The following LMLN variants were observed in gnomAD, a reference collection of about 807,000 sequenced individuals.
LMLN encodes the protein leishmanolysin like peptidase.
Under a neutral mutation model 92.3 loss-of-function variants are expected in LMLN, and 70 were observed. The ratio of observed to expected loss-of-function variants is 0.76; its 90% CI spans 0.63 to 0.92. LMLN has a LOEUF of 0.92. Ranked by LOEUF, LMLN falls within the 40% of genes least tolerant of loss-of-function variation. The pLI, the probability that LMLN is intolerant of heterozygous loss-of-function variation, is 0.00. For synonymous variants in LMLN, 308 were observed against 296.2 expected, an observed-to-expected ratio of 1.04 and a Z score of -0.41; for missense variants, 691 against 814.6, an observed-to-expected ratio of 0.85 and a Z score of 1.85.
At chr3:197,986,253 G>A (rs1449021106) in intron 8 of LMLN, among the ~76,000 whole-genome samples, 1 of 152,150 alleles carries the variant, frequency 6.6e-6, no homozygotes, top group Non-Finnish European at 1.5e-5. Context: ...TTGAGCCCAT[G>A]AGTTCAAAAC....
intron 15 of LMLN, among the ~76,000 whole-genome samples, chr3:198,036,911 TTTGC>T (rs1426965713): frequency 1.3e-5 from 2 of 152,222 alleles, no homozygotes; most frequent in Admixed American, 6.5e-5. Flanking sequence ...TGCATTGCCC[TTTGC>T]CTAGTCCATG....
chr3:198,005,807 T>A (rs1333452108), intron 11 of LMLN, among the ~76,000 whole-genome samples: 1 of 152,078 alleles, frequency 6.6e-6, no homozygotes, highest in African/African-American at 2.4e-5. Context: ...GCTAATTTTG[T>A]AATTTTAATA....
chr3:198,002,430 A>G (rs779862294), intron 11 of LMLN, among the ~76,000 whole-genome samples: 3 of 152,204 alleles, frequency 2.0e-5, no homozygotes, highest in Non-Finnish European at 2.9e-5. Flanking sequence ...GCGCCCAGCT[A>G]GGACATTTAA....
intron 1 of LMLN, among the ~76,000 whole-genome samples, chr3:197,968,845 T>C (rs1721136572): frequency 6.6e-6 from 1 of 152,246 alleles, no homozygotes; most frequent in African/African-American, 2.4e-5. Context: ...TGGAATTTTC[T>C]TTTTTGAAAG....
intron 8 of LMLN, among the ~76,000 whole-genome samples, chr3:197,990,149 A>G (rs1023480332): frequency 6.6e-6 from 1 of 151,950 alleles, no homozygotes; most frequent in Non-Finnish European, 1.5e-5. Context: ...TGCAGCGTCA[A>G]CCTCCTGGGC....
At chr3:197,991,452 G>C (rs1721867001) in intron 9 of LMLN, among the ~76,000 whole-genome samples, 1 of 152,092 alleles carries the variant, frequency 6.6e-6, no homozygotes, top group Non-Finnish European at 1.5e-5. Flanking sequence ...TGGAAGTTGG[G>C]CGAGTTCAAA....
chr3:197,998,815 T>C (rs1215925997), intron 10 of LMLN, among the ~76,000 whole-genome samples: 1 of 152,214 alleles, frequency 6.6e-6, no homozygotes, highest in Non-Finnish European at 1.5e-5. Context: ...TCTGTCCCAC[T>C]TGTTTTGCAT....
chr3:198,002,990 T>A, intron 11 of LMLN, 25 bp from the exon 12 acceptor site: 1 of 1,370,644 alleles, frequency 7.3e-7, no homozygotes, highest in Non-Finnish European at 1.0e-6. Flanking sequence ...GCAGTAAAAA[T>A]TGCTTTGTTT....
At position 197,993,155 on chromosome 3, in the gene LMLN, G is replaced by T. The variant is rs78059899; in HGVS notation, c.1047+2479G>T. Among the ~76,000 whole-genome samples, 680 of 152,192 alleles carry T rather than the reference G, an allele frequency of 4.5e-3. 2 individuals are homozygous for T. The highest frequency in any genetic ancestry group is 0.016 in the African/African-American group (658 of 41,522). On this transcript the variant is annotated intron_variant, in intron 9 of 15. Transcript: ENST00000330198. ...CCTCAGCACAATAAAGGCCATATAA[G>T]AGACACCCACAACCAATCTTATACT...
Position 197,996,386 on chromosome 3 carries a change from C to T in LMLN, c.1155+104C>T, listed in dbSNP as rs1232621058. ...TTATAAACTGAAAAATGTTTACGTC[C>T]CTTTACCCCTTCAGCTCTCCAGATG... On this transcript the variant is annotated intron_variant, in intron 10 of 15. Coordinates refer to ENST00000330198, the Ensembl canonical transcript of LMLN. 3 of 631,098 alleles carry T rather than the reference C, an allele frequency of 4.8e-6. No individual in the cohort carries two copies. In the East Asian group the frequency reaches 9.6e-5, roughly 20 times the overall value. 39.1% of individuals were successfully genotyped at this position (631,098 alleles called of 1,614,324 possible). A position where few individuals can be genotyped will look rare whatever the true frequency, so the allele number is the denominator to read the frequency against.
intron 8 of LMLN, among the ~76,000 whole-genome samples, chr3:197,989,989 C>G (rs1279595912): frequency 6.6e-6 from 1 of 152,232 alleles, no homozygotes; most frequent in Non-Finnish European, 1.5e-5. Context: ...ATCCTCTTGC[C>G]TCAGCCTCAC....
At chr3:198,021,657 A>G (rs1194723214) in intron 13 of LMLN, 52 bp downstream of exon 14, 2 of 1,499,402 alleles carry the variant, frequency 1.3e-6, no homozygotes, top group South Asian at 1.2e-5. Flanking sequence ...ATTATGTATT[A>G]GCAATATAGA....
intron 11 of LMLN, 97 bp downstream of exon 12, chr3:198,003,222 C>A: frequency 1.5e-6 from 1 of 669,116 alleles, no homozygotes; most frequent in Non-Finnish European, 2.5e-6. Context: ...AAAATGTAGT[C>A]TGAGCAGTTC....
Position 198,019,448 on chromosome 3 carries a change from T to G in LMLN, c.1365+63T>G. 6.8e-7 allele frequency: 1 copy of G among 1,469,238 alleles called. No individual in the cohort carries two copies. The highest frequency in any genetic ancestry group is 9.2e-7 in the Non-Finnish European group (1 of 1,087,890). 91.0% of individuals were successfully genotyped at this position (1,469,238 alleles called of 1,614,324 possible). On this transcript the variant is annotated intron_variant, in intron 12 of 15. Transcript: ENST00000330198. This position sits in a 1 kb window ranked among gnomAD's most constrained non-coding sequence, Gnocchi z 5.5. ...TTTCAAAAGTAGTCTCCATTTTAAC[T>G]AAAAGAGTAAATTCTCTTAAGATTC...
intron 11 of LMLN, among the ~76,000 whole-genome samples, chr3:198,006,975 T>C (rs1722312739): frequency 2.0e-5 from 3 of 152,226 alleles, no homozygotes; most frequent in African/African-American, 7.2e-5. Context: ...CCTCCCAAAG[T>C]GCTGGGATTA....
rs1349475411 is a variant in LMLN, at chr3:198,042,940, T to A, written c.*4273T>A. ...TTCTTAAAACCAGTAACCCTTACAT[T>A]TTTCCTATAGGATAGTTATTTTTGT... On this transcript the variant is annotated 3_prime_UTR_variant, in exon 16 of 16. Coordinates refer to ENST00000330198, the Ensembl canonical transcript of LMLN. The surrounding 1 kb of genome is among the most constrained non-coding windows in gnomAD (Gnocchi z 4.2). 1 of 152,200 alleles carries A rather than the reference T, an allele frequency of 6.6e-6. No individual in the cohort carries two copies. Among genetic ancestry groups the A allele is most frequent in the Non-Finnish European group, 1.5e-5 (1 of 68,032 alleles). 9.4% of individuals were successfully genotyped at this position (152,200 alleles called of 1,614,324 possible).
intron 6 of LMLN, among the ~76,000 whole-genome samples, chr3:197,982,223 C>CTTTTTTTTT (rs1241377836): frequency 1.7e-5 from 2 of 116,540 alleles, no homozygotes; most frequent in African/African-American, 3.5e-5. Context: ...CAGTTACCTT[C>CTTTTTTTTT]TTTTTTTTTT....
In LMLN at chr3:198,030,241, G is replaced by A. The variant is rs184932107; in HGVS notation, c.1656+5453G>A. Among the ~76,000 whole-genome samples, 241 of 152,172 alleles carry A rather than the reference G, an allele frequency of 1.6e-3. 1 individual carries two copies. The highest frequency in any genetic ancestry group is 5.2e-3 in the African/African-American group (214 of 41,492). ...TGGAAAATAAGAATTTAGTTGGTTC[G>A]CCTCGTCCTCTTGCTGTGTTCACTT... On this transcript the variant is annotated intron_variant, in intron 14 of 15. Coordinates refer to ENST00000330198, the Ensembl canonical transcript of LMLN.
chr3:197,996,128 G>C (rs572016145), intron 9 of LMLN, 47 bp from the exon 10 acceptor site: 18 of 1,023,780 alleles, frequency 1.8e-5, no homozygotes, highest in Non-Finnish European at 2.5e-5. Flanking sequence ...GTTATCTTAC[G>C]GTACTTTTGT....
Sources: allele counts gnomAD v4.1 joint callset (sites outside exome capture counted in the v4.1 genomes callset), GRCh38; gene constraint gnomAD v4.1.1; non-coding constraint Gnocchi (gnomAD v3.1); transcripts MANE v1.5; gene names NCBI Gene and HGNC (gene_info 2026-07-23, HGNC 2026-07-21).